The following THADA variants were observed in gnomAD, a reference collection of about 807,000 sequenced individuals.
THADA encodes tRNA (32-2'-O)-methyltransferase regulator THADA.
In THADA, 213 loss-of-function variants were observed where a neutral mutation model predicts 219.8. The ratio of observed to expected loss-of-function variants is 0.97; its 90% CI spans 0.87 to 1.09. THADA has a LOEUF of 1.09. THADA is among the 50% of genes least tolerant of loss of function. The probability of loss-of-function intolerance (pLI) is 0.00; values close to 1 mark genes in which losing one functional copy is unlikely to be tolerated. For missense variants in THADA, 2,956 were observed against 2,311.3 expected, an observed-to-expected ratio of 1.28 and a Z score of -5.72; for synonymous variants, 1,018 against 828.9, an observed-to-expected ratio of 1.23 and a Z score of -3.92.
intron 20 of THADA, among the ~76,000 whole-genome samples, chr2:43,542,982 G>C (rs1045223080): frequency 1.3e-5 from 2 of 150,596 alleles, no homozygotes; most frequent in Non-Finnish European, 3.0e-5. Context: ...TACTCATTTA[G>C]CATTAGGTAT....
chr2:43,361,066 G>T (rs1176342355), intron 29 of THADA, among the ~76,000 whole-genome samples: 2 of 150,668 alleles, frequency 1.3e-5, no homozygotes, highest in Non-Finnish European at 1.5e-5. Flanking sequence ...CAACTGAAAG[G>T]GGGTGCTACC....
chr2:43,460,941 A>G (rs978442344), intron 26 of THADA, among the ~76,000 whole-genome samples: 8 of 152,232 alleles, frequency 5.3e-5, no homozygotes, highest in Middle Eastern at 3.2e-3. Context: ...CACCTGTCCC[A>G]GGAGTGTGGG....
chr2:43,232,186 CT>C (rs1229853936), intron 37 of THADA, among the ~76,000 whole-genome samples: 20 of 146,730 alleles, frequency 1.4e-4, no homozygotes, highest in Admixed American at 3.4e-4. Context: ...CTTTTCTTTT[CT>C]TTTTTTTTTG....
At chr2:43,583,296 T>C (rs577930996) in intron 7 of THADA, among the ~76,000 whole-genome samples, 17 of 152,214 alleles carry the variant, frequency 1.1e-4, no homozygotes, top group Non-Finnish European at 2.1e-4. Context: ...ATCTCATCTA[T>C]AAGAAAATCC....
intron 26 of THADA, among the ~76,000 whole-genome samples, chr2:43,463,891 G>C (rs998913426): frequency 6.6e-6 from 1 of 152,182 alleles, no homozygotes; most frequent in Non-Finnish European, 1.5e-5. Context: ...TCCTTGAATT[G>C]CTTACAGTAG....
intron 31 of THADA, among the ~76,000 whole-genome samples, chr2:43,308,814 G>A (rs984925474): frequency 7.8e-6 from 1 of 129,032 alleles, no homozygotes; most frequent in East Asian, 2.3e-4. Context: ...TGATACACAT[G>A]AAAATTAACG....
intron 35 of THADA, among the ~76,000 whole-genome samples, chr2:43,282,209 G>A (rs546249726): frequency 6.6e-6 from 1 of 152,254 alleles, no homozygotes; most frequent in African/African-American, 2.4e-5. Flanking sequence ...TAACTTTACT[G>A]GAGAAGCTTG....
intron 13 of THADA, among the ~76,000 whole-genome samples, chr2:43,570,777 T>C (rs1699204151): frequency 6.6e-6 from 1 of 152,234 alleles, no homozygotes; most frequent in Non-Finnish European, 1.5e-5. Context: ...ATTTCCCTAC[T>C]TTACCAATTC....
At chr2:43,490,850 G>A (rs1036653128) in intron 25 of THADA, among the ~76,000 whole-genome samples, 4 of 152,110 alleles carry the variant, frequency 2.6e-5, no homozygotes, top group African/African-American at 4.8e-5. Context: ...GGCATCCACT[G>A]GGGGTCTTGG....
At chr2:43,537,040 C>T (rs1015382251) in intron 21 of THADA, among the ~76,000 whole-genome samples, 7 of 152,070 alleles carry the variant, frequency 4.6e-5, no homozygotes, top group African/African-American at 7.2e-5. Flanking sequence ...TTTGGTTAAA[C>T]GGGATGTTTT....
intron 31 of THADA, among the ~76,000 whole-genome samples, chr2:43,309,366 T>G (rs1677230105): frequency 6.6e-6 from 1 of 152,202 alleles, no homozygotes; most frequent in Non-Finnish European, 1.5e-5. Context: ...TGAAAACATA[T>G]GACCGAACAC....
At chr2:43,290,473 C>T (rs1674565702) in intron 34 of THADA, among the ~76,000 whole-genome samples, 1 of 152,046 alleles carries the variant, frequency 6.6e-6, no homozygotes, top group African/African-American at 2.4e-5. Context: ...TTATCTCTGC[C>T]CAGCCTCATG....
intron 22 of THADA, among the ~76,000 whole-genome samples, chr2:43,509,068 A>T (rs1690057298): frequency 6.6e-6 from 1 of 152,222 alleles, no homozygotes; most frequent in African/African-American, 2.4e-5. Flanking sequence ...GAAAAGGTTG[A>T]TCATGGTCTC....
intron 22 of THADA, among the ~76,000 whole-genome samples, chr2:43,510,906 G>A (rs1690329286): frequency 6.6e-6 from 1 of 151,470 alleles, no homozygotes; most frequent in Admixed American, 6.6e-5. Context: ...AGGAAGCAGA[G>A]ACTGCAGCGA....
rs559614147 is a variant in THADA at position 43,262,719 on chromosome 2, T to A, written c.5296+17046A>T. Reference sequence around the variant, plus strand: ...TACTATAAAATGTCTAACAAACGTATTTGTACATTTATTTTTGAAGAACAT... The same window carrying A: ...TACTATAAAATGTCTAACAAACGTAATTGTACATTTATTTTTGAAGAACAT... On this transcript the variant is annotated intron_variant, in intron 36 of 37. Transcript: ENST00000405975. Among the ~76,000 whole-genome samples the A allele has an allele frequency of 3.9e-5, 6 of 152,358 alleles. No individual in the cohort carries two copies. The South Asian group carries it at 1.2e-3, about 32-fold the overall frequency.
intron 36 of THADA, among the ~76,000 whole-genome samples, chr2:43,274,469 T>C (rs1263070887): frequency 1.3e-5 from 2 of 152,078 alleles, no homozygotes; most frequent in Non-Finnish European, 2.9e-5. Flanking sequence ...GTGTACCTAA[T>C]AGAAAACAGT....
chr2:43,335,518 A>C (rs1666315265), intron 30 of THADA, among the ~76,000 whole-genome samples: 1 of 152,200 alleles, frequency 6.6e-6, no homozygotes, highest in Admixed American at 6.5e-5. Context: ...CGATTTGATA[A>C]GACTCTGTTC....
intron 26 of THADA, among the ~76,000 whole-genome samples, chr2:43,474,505 G>A (rs1207397513): frequency 6.6e-6 from 1 of 152,124 alleles, no homozygotes; most frequent in African/African-American, 2.4e-5. Flanking sequence ...TTTTATAAAT[G>A]TCTGTACTCC....
intron 16 of THADA, among the ~76,000 whole-genome samples, chr2:43,559,545 G>A (rs1161942434): frequency 6.6e-6 from 1 of 152,168 alleles, no homozygotes; most frequent in Non-Finnish European, 1.5e-5. Flanking sequence ...TACTCTGCTG[G>A]TGACCCAACA....
Sources: allele counts gnomAD v4.1 joint callset (sites outside exome capture counted in the v4.1 genomes callset), GRCh38; gene constraint gnomAD v4.1.1; transcripts MANE v1.5; gene names NCBI Gene and HGNC (gene_info 2026-07-23, HGNC 2026-07-21).